The following CACNA1I variants were observed in gnomAD, a reference collection of about 807,000 sequenced individuals.
CACNA1I encodes the protein calcium voltage-gated channel subunit alpha1 I, also known as voltage-dependent T-type calcium channel subunit alpha-1I.
Under a neutral mutation model 201.6 loss-of-function variants are expected in CACNA1I, and 74 were observed. The observed-to-expected ratio is 0.37, with a 90% CI of 0.30 to 0.45. The LOEUF (loss-of-function observed/expected upper bound fraction) is 0.45. CACNA1I is among the 20% of genes least tolerant of loss of function. The probability of loss-of-function intolerance (pLI) is 1.00; values close to 1 mark genes in which losing one functional copy is unlikely to be tolerated. For synonymous variants in CACNA1I, 1,431 were observed against 1,345.2 expected (o/e 1.06, Z -1.40); for missense variants, 2,346 against 3,138.1 (o/e 0.75, Z 6.03).
chr22:39,653,262 C>G (rs1311636716), intron 10 of CACNA1I, among the ~76,000 whole-genome samples: 1 of 152,164 alleles, frequency 6.6e-6, no homozygotes, highest in Non-Finnish European at 1.5e-5. Context: ...ATTTACCATC[C>G]TCTGTCTGGA....
chr22:39,649,584 G>T lies in CACNA1I; in HGVS notation c.1651G>T (p.Ala551Ser), dbSNP rs368239983. ...PIPATLASDPASCPCCQHEDG... is the reference protein window; with the variant it reads ...PIPATLASDPSSCPCCQHEDG... ...CCCCGCCACGCTGGCTTCCGATCCC[G>T]CCAGCTGCCCTTGCTGCCAGCATGA... Residue 551 changes from alanine to serine, a missense_variant, in exon 10 of 37, where the codon GCC (alanine) becomes TCC (serine). Ala to Ser is a moderately conservative substitution (Grantham distance 99). Coordinates refer to ENST00000402142, the MANE Select transcript of CACNA1I (RefSeq NM_021096.4). The surrounding 1 kb of genome is among the most constrained non-coding windows in gnomAD (Gnocchi z 7.3). 107 of 1,545,430 alleles carry T rather than the reference G, an allele frequency of 6.9e-5. No individual in the cohort carries two copies. Among genetic ancestry groups the T allele is most frequent in the Non-Finnish European group, 8.7e-5 (100 of 1,144,750 alleles).
In CACNA1I at chr22:39,686,159, G is replaced by A. The variant is rs1189959593; in HGVS notation, c.6426G>A (p.Pro2142=). 3 of 1,238,424 alleles carry A rather than the reference G, an allele frequency of 2.4e-6. No homozygotes were observed. The highest frequency in any genetic ancestry group is 3.9e-5 in the Admixed American group (1 of 25,490). 76.7% of individuals were successfully genotyped at this position (1,238,424 alleles called of 1,614,324 possible). ...LTSLFCPPPP[P]PAPGLTPARK... is the part of the protein sequence containing the mutation. ...CCCTCTTCTGCCCGCCGCCCCCGCC[G>A]CCAGCCCCCGGCCTCACGCCCGCCA... is the stretch of plus-strand genomic sequence containing the variant. The change falls in exon 37 of 37, where the codon CCG becomes CCA. Residue 2142 remains proline, a synonymous_variant. Coordinates refer to ENST00000402142, the MANE Select transcript of CACNA1I (RefSeq NM_021096.4).
chr22:39,680,843 A>G, intron 33 of CACNA1I, 87 bp from the exon 34 acceptor site: 2 of 1,439,818 alleles, frequency 1.4e-6, no homozygotes, highest in Non-Finnish European at 1.9e-6. Context: ...CTCTCTTCAG[A>G]GCCTCAGGCC....
intron 29 of CACNA1I, among the ~76,000 whole-genome samples, chr22:39,675,076 G>C (rs1935480137): frequency 1.3e-5 from 2 of 152,360 alleles, no homozygotes; most frequent in East Asian, 3.9e-4. Flanking sequence ...TGGGCTGCAG[G>C]CTGTGCCGAC....
chr22:39,687,752 T>G lies in CACNA1I; in HGVS notation c.*1347T>G, dbSNP rs1185701197. 3 of 152,266 alleles carry G rather than the reference T, an allele frequency of 2.0e-5. No homozygotes were observed. 9.4% of individuals were successfully genotyped at this position (152,266 alleles called of 1,614,324 possible). A position where few individuals can be genotyped will look rare whatever the true frequency, so the allele number is the denominator to read the frequency against. Reference sequence around the variant, plus strand: ...GGTGTTTGATTTGAAGAGTTACGCATTTATTTCACTATTTATTGGGAAAAA... The same window carrying G: ...GGTGTTTGATTTGAAGAGTTACGCAGTTATTTCACTATTTATTGGGAAAAA... On this transcript the variant is annotated 3_prime_UTR_variant, in exon 37 of 37. Transcript: ENST00000402142.
At chr22:39,609,917 G>A (rs1933336827) in intron 3 of CACNA1I, among the ~76,000 whole-genome samples, 1 of 152,204 alleles carries the variant, frequency 6.6e-6, no homozygotes, top group Non-Finnish European at 1.5e-5. Context: ...CTGGGCAGGG[G>A]CAGGGCTCTG....
chr22:39,681,156 G>A (rs1476278872), intron 34 of CACNA1I, 104 bp downstream of exon 34: 22 of 1,311,052 alleles, frequency 1.7e-5, no homozygotes, highest in East Asian at 2.5e-5. Flanking sequence ...CCATGTAAAC[G>A]GCACCCACTG....
At position 39,647,854 on chromosome 22, in the gene CACNA1I, A is replaced by G. The variant is rs1934535941; in HGVS notation, c.1495A>G (p.Arg499Gly). 1 of 1,611,900 alleles carries G rather than the reference A, an allele frequency of 6.2e-7. No individual in the cohort carries two copies. Among genetic ancestry groups the G allele is most frequent in the Non-Finnish European group, 8.5e-7 (1 of 1,178,158 alleles). The change falls in exon 9 of 37, where the codon AGA (arginine) becomes GGA (glycine). Residue 499 changes from arginine to glycine, a missense_variant. By Grantham distance (125) the Arg-to-Gly change is moderately radical. This residue lies in a region of CACNA1I where 312 missense variants were observed against 331.5 expected (regional missense o/e 0.94). Coordinates refer to ENST00000402142, the MANE Select transcript of CACNA1I (RefSeq NM_021096.4). ...GKTKGQGDEG[R>G]HLGSRHCQTL... ...GACTAAGGGTCAGGGAGATGAAGGGAGACATCTCGGAAGCCGGCATTGCCA... is the reference window on the plus strand; with the variant it reads ...GACTAAGGGTCAGGGAGATGAAGGGGGACATCTCGGAAGCCGGCATTGCCA...
At position 39,686,398 on chromosome 22, in the gene CACNA1I, A is replaced by G; in HGVS notation, c.6665A>G (p.Lys2222Arg). ...LEPGDAASKR[K>R]R ...CCGGGAGACGCCGCCAGCAAGAGGA[A>G]GAGATGAGGGTCGCAGGGGCCCCCG... Residue 2222 changes from lysine (K) to arginine (R), a missense_variant, in exon 37 of 37, where the codon AAG (lysine) becomes AGG (arginine). Lys to Arg is a conservative substitution (Grantham distance 26). Around this residue, in one of 13 missense-constraint regions of CACNA1I, gnomAD observed 187 missense variants for 151.0 expected, o/e 1.24. Transcript: ENST00000402142. 1 of 1,265,490 alleles carries G rather than the reference A, an allele frequency of 7.9e-7. No individual in the cohort carries two copies. The highest frequency in any genetic ancestry group is 1.0e-6 in the Non-Finnish European group (1 of 1,002,990). The allele number at this position is 1,265,490 out of a possible 1,614,324, so 78.4% of individuals were successfully genotyped here.
At chr22:39,586,793 C>A (rs1019107926) in intron 1 of CACNA1I, among the ~76,000 whole-genome samples, 3 of 152,176 alleles carry the variant, frequency 2.0e-5, no homozygotes, top group African/African-American at 7.2e-5. Flanking sequence ...AGAATGTAAT[C>A]CACACTGGTC....
chr22:39,679,924 TGGGGGGCCTGTCCGAGG>T, intron 33 of CACNA1I, 56 bp downstream of exon 33: 2 of 1,549,014 alleles, frequency 1.3e-6, no homozygotes, highest in Non-Finnish European at 1.8e-6. Context: ...CGAAACCTGG[TGGGGGGCCTGTCCGAGG>T]GCAGAGCCTG....
At chr22:39,658,041 G>T in intron 10 of CACNA1I, 111 bp from the exon 11 acceptor site, 1 of 1,115,722 alleles carries the variant, frequency 9.0e-7, no homozygotes, top group Non-Finnish European at 1.3e-6. Context: ...CGGAGGTATG[G>T]TGAGGACACC....
chr22:39,656,348 G>T, intron 10 of CACNA1I: 1 of 512,968 alleles, frequency 1.9e-6, no homozygotes, highest in African/African-American at 1.9e-5. Flanking sequence ...AGCCAGCTGG[G>T]TCCTCCACCT....
chr22:39,664,977 G>A (rs1935141187), intron 21 of CACNA1I, 54 bp downstream of exon 21: 1 of 1,554,672 alleles, frequency 6.4e-7, no homozygotes, highest in Non-Finnish European at 8.7e-7. Context: ...GTACCGAGAA[G>A]CCACGGGTCG....
Position 39,685,950 on chromosome 22 carries a change from G to A in CACNA1I, c.6217G>A (p.Gly2073Ser). Residue 2073 changes from glycine (G) to serine (S), a missense_variant, in exon 37 of 37, where the codon GGC (glycine) becomes AGC (serine). Physicochemically the swap from Gly to Ser is moderately conservative, Grantham distance 56 (BLOSUM62 0). This residue lies in a region of CACNA1I where 441 missense variants were observed against 555.6 expected (regional missense o/e 0.79). Coordinates refer to ENST00000402142, the MANE Select transcript of CACNA1I (RefSeq NM_021096.4). The surrounding 1 kb of genome is among the most constrained non-coding windows in gnomAD (Gnocchi z 5.0). The stretch of plus-strand genomic sequence containing the variant: ...CCGCCGCCTGAGCCTGCGCGGCCGG[G>A]GCCTCTTCAGCCTGCGGGGGCTGCG... Reference protein sequence around the residue: ...ARRRLSLRGRGLFSLRGLRAH... With the variant: ...ARRRLSLRGRSLFSLRGLRAH... 1.6e-6 allele frequency: 2 copies of A among 1,275,008 alleles called. No individual in the cohort carries two copies. Among genetic ancestry groups the A allele is most frequent in the Non-Finnish European group, 2.0e-6 (2 of 1,019,430 alleles). 79.0% of individuals were successfully genotyped at this position (1,275,008 alleles called of 1,614,324 possible). A position where few individuals can be genotyped will look rare whatever the true frequency, so the allele number is the denominator to read the frequency against.
chr22:39,616,766 A>C (rs1378866885), intron 3 of CACNA1I, among the ~76,000 whole-genome samples: 1 of 10,518 alleles, frequency 9.5e-5, no homozygotes, highest in Non-Finnish European at 1.9e-4. Context: ...CTCTGTCTCA[A>C]AAAAAAAAAA....
In CACNA1I at chr22:39,686,220, G is replaced by A. The variant is rs1323995103; in HGVS notation, c.6487G>A (p.Gly2163Ser). ...FSSTSSLAAP[G>S]RPHAAALAHG... ...CAGCACCAGCAGCCTGGCCGCCCCC[G>A]GCCGCCCCCACGCCGCCGCCCTGGC... The change falls in exon 37 of 37, where the codon GGC (glycine) becomes AGC (serine). Residue 2163 changes from glycine (G) to serine (S), a missense_variant. Transcript: ENST00000402142. The A allele has an allele frequency of 5.6e-6, 7 of 1,240,298 alleles. No individual in the cohort carries two copies. Among genetic ancestry groups the A allele is most frequent in the Non-Finnish European group, 7.0e-6 (7 of 995,426 alleles). The allele number at this position is 1,240,298 out of a possible 1,614,324, so 76.8% of individuals were successfully genotyped here.
chr22:39,627,059 C>T (rs1211826602), intron 4 of CACNA1I, among the ~76,000 whole-genome samples: 2 of 152,212 alleles, frequency 1.3e-5, no homozygotes, highest in Non-Finnish European at 2.9e-5. Flanking sequence ...TCACCTGACC[C>T]TACAGCTTTT....
chr22:39,673,911 C>T, intron 28 of CACNA1I, 52 bp from the exon 29 acceptor site: 1 of 1,567,430 alleles, frequency 6.4e-7, no homozygotes, highest in South Asian at 1.1e-5. Context: ...CGTGCACACA[C>T]ACGTCCCCAC....
Sources: allele counts gnomAD v4.1 joint callset (sites outside exome capture counted in the v4.1 genomes callset), GRCh38; gene constraint gnomAD v4.1.1; regional missense constraint gnomAD v4.1.1; non-coding constraint Gnocchi (gnomAD v3.1); transcripts MANE v1.5; gene names NCBI Gene and HGNC (gene_info 2026-07-23, HGNC 2026-07-21).